ULK4: variants seen among roughly 807,000 people sequenced by gnomAD.
ULK4 encodes inactive serine/threonine-protein kinase ULK4.
In ULK4, 133 loss-of-function variants were observed where a neutral mutation model predicts 160.6. The observed-to-expected ratio is 0.83, with a 90% CI of 0.72 to 0.96. The LOEUF is 0.96. ULK4 is among the 40% of genes least tolerant of loss of function. The pLI, the probability that ULK4 is intolerant of heterozygous loss-of-function variation, is 0.00. For missense variants in ULK4, 1,580 were observed against 1,499.5 expected (o/e 1.05, Z -0.89); for synonymous variants, 534 against 539.8 (o/e 0.99, Z 0.15).
intron 19 of ULK4, among the ~76,000 whole-genome samples, chr3:41,804,692 T>TC (rs2040584130): frequency 6.6e-6 from 1 of 152,314 alleles, no homozygotes; most frequent in East Asian, 1.9e-4. Context: ...GTTTCAGCTT[T>TC]CTACATATGG....
At chr3:41,349,881 C>G (rs190681462) in intron 35 of ULK4, among the ~76,000 whole-genome samples, 4 of 152,230 alleles carry the variant, frequency 2.6e-5, no homozygotes, top group Admixed American at 2.6e-4. Flanking sequence ...CTATAAATAT[C>G]ACCATAGCAC....
intron 35 of ULK4, among the ~76,000 whole-genome samples, chr3:41,291,046 A>ATTTTTT (rs755559180): frequency 5.4e-4 from 82 of 151,278 alleles, no homozygotes; most frequent in African/African-American, 1.9e-3. Context: ...GGCAGATGGG[A>ATTTTTT]TTTTTTTTGT....
chr3:41,437,835 A>G (rs961397649), intron 34 of ULK4, among the ~76,000 whole-genome samples: 3 of 152,196 alleles, frequency 2.0e-5, no homozygotes, highest in African/African-American at 7.2e-5. Context: ...AGACTTCTTG[A>G]AGGGATATAA....
At chr3:41,482,893 T>C (rs973605454) in intron 32 of ULK4, among the ~76,000 whole-genome samples, 2 of 152,158 alleles carry the variant, frequency 1.3e-5, no homozygotes, top group Non-Finnish European at 2.9e-5. Context: ...ACATAATAGG[T>C]GTAAGGTGTA....
In ULK4 at chr3:41,961,550, A is replaced by ACCCCCCC. The variant is rs201424516; in HGVS notation, c.-49+459_-49+465dup. ...ACTCAGGGGCGCTACGTAGTCACTCACCCCCCCCCCCCCCCCCCCCGCTCC... is the reference window on the plus strand; with the variant it reads ...ACTCAGGGGCGCTACGTAGTCACTCACCCCCCCCCCCCCCCCCCCCCCCCCCCGCTCC... On this transcript the variant is annotated intron_variant, in intron 1 of 36. Coordinates refer to ENST00000301831, the MANE Select transcript of ULK4 (RefSeq NM_017886.4). Among the ~76,000 whole-genome samples, 178 of 124,508 alleles carry ACCCCCCC rather than the reference A, an allele frequency of 1.4e-3. 34 individuals carry two copies. Among genetic ancestry groups the ACCCCCCC allele is most frequent in the African/African-American group, 6.4e-3 (149 of 23,376 alleles). The allele number at this position is 124,508 out of a possible 152,430, so 81.7% of individuals were successfully genotyped here. A position where few individuals can be genotyped will look rare whatever the true frequency, so the allele number is the denominator to read the frequency against.
intron 35 of ULK4, among the ~76,000 whole-genome samples, chr3:41,357,127 C>G (rs1291860714): frequency 1.3e-5 from 2 of 152,124 alleles, no homozygotes; most frequent in Non-Finnish European, 2.9e-5. Context: ...AATAATCACC[C>G]TAGAAGCTTG....
At chr3:41,529,507 C>A (rs2086229081) in intron 32 of ULK4, among the ~76,000 whole-genome samples, 1 of 152,172 alleles carries the variant, frequency 6.6e-6, no homozygotes, top group East Asian at 1.9e-4. Flanking sequence ...GTTGTTGAGG[C>A]AGGGTGTCAT....
At chr3:41,780,923 A>C (rs1212796644) in intron 21 of ULK4, among the ~76,000 whole-genome samples, 2 of 152,162 alleles carry the variant, frequency 1.3e-5, no homozygotes, top group Non-Finnish European at 2.9e-5. Flanking sequence ...ATTCCCACAC[A>C]GAAAGGGGAA....
chr3:41,814,976 TCAA>T (rs528497513), intron 19 of ULK4, among the ~76,000 whole-genome samples: 189 of 150,486 alleles, frequency 1.3e-3, no homozygotes, highest in Non-Finnish European at 2.0e-3. Context: ...TGGTGTGATC[TCAA>T]CTCACTGCAA....
chr3:41,824,683 G>A (rs2041280701), intron 18 of ULK4, among the ~76,000 whole-genome samples: 1 of 152,194 alleles, frequency 6.6e-6, no homozygotes, highest in African/African-American at 2.4e-5. Context: ...CGAACTGGGT[G>A]GAGCCCACCG....
chr3:41,597,561 C>T (rs919972947), intron 31 of ULK4, among the ~76,000 whole-genome samples: 2 of 152,324 alleles, frequency 1.3e-5, no homozygotes, highest in Non-Finnish European at 2.9e-5. Flanking sequence ...GTGAGTTCCA[C>T]AGAGGACCAC....
At chr3:41,492,666 C>T (rs555737808) in intron 32 of ULK4, among the ~76,000 whole-genome samples, 22 of 152,022 alleles carry the variant, frequency 1.4e-4, no homozygotes, top group African/African-American at 5.1e-4. Context: ...CATCAGTATG[C>T]TGTATTCAGG....
intron 32 of ULK4, among the ~76,000 whole-genome samples, chr3:41,562,788 C>T (rs2087639476): frequency 6.6e-6 from 1 of 152,128 alleles, no homozygotes; most frequent in Non-Finnish European, 1.5e-5. Context: ...GAACACAGCA[C>T]ACTGATGGGT....
At chr3:41,950,090 T>TA (rs1225504569) in intron 2 of ULK4, among the ~76,000 whole-genome samples, 65 of 150,618 alleles carry the variant, frequency 4.3e-4, no homozygotes, top group African/African-American at 1.4e-3. Context: ...TTTTTATTTT[T>TA]CTTTTTTTTT....
At chr3:41,386,384 T>A (rs2081809712) in intron 35 of ULK4, among the ~76,000 whole-genome samples, 2 of 152,098 alleles carry the variant, frequency 1.3e-5, no homozygotes. Flanking sequence ...ATTAAATGGG[T>A]TTTTCTCTAC....
chr3:41,835,533 G>A (rs188564284), intron 18 of ULK4, among the ~76,000 whole-genome samples: 1 of 152,266 alleles, frequency 6.6e-6, no homozygotes, highest in Admixed American at 6.5e-5. Flanking sequence ...AGAACCAATG[G>A]TCTCCTCTTG....
chr3:41,642,295 C>T (rs970037751), intron 30 of ULK4, among the ~76,000 whole-genome samples: 12 of 151,950 alleles, frequency 7.9e-5, no homozygotes, highest in African/African-American at 2.7e-4. Flanking sequence ...CCTATTAACT[C>T]GTCATTTAGC....
intron 34 of ULK4, among the ~76,000 whole-genome samples, chr3:41,402,925 C>T (rs1371304195): frequency 5.9e-5 from 9 of 152,012 alleles, no homozygotes; most frequent in African/African-American, 1.7e-4. Flanking sequence ...CCAAGGCAGG[C>T]GGATCATCTG....
At chr3:41,772,029 C>T (rs1407817342) in intron 21 of ULK4, among the ~76,000 whole-genome samples, 7 of 152,304 alleles carry the variant, frequency 4.6e-5, no homozygotes, top group African/African-American at 1.7e-4. Flanking sequence ...GTTACCACCA[C>T]AGCTATTCTT....
Sources: allele counts gnomAD v4.1 joint callset (sites outside exome capture counted in the v4.1 genomes callset), GRCh38; gene constraint gnomAD v4.1.1; transcripts MANE v1.5; gene names NCBI Gene and HGNC (gene_info 2026-07-23, HGNC 2026-07-21).